Variants in FAM107B observed in about 807,000 individuals in gnomAD.
FAM107B encodes the protein family with sequence similarity 107 member B.
In FAM107B, 21 loss-of-function variants were observed where a neutral mutation model predicts 31.5. The ratio of observed to expected loss-of-function variants is 0.67; its 90% CI spans 0.47 to 0.96. The LOEUF (loss-of-function observed/expected upper bound fraction) is 0.96, where lower values mean the gene tolerates loss of function less well. Ranked by LOEUF, FAM107B falls within the 40% of genes least tolerant of loss-of-function variation. The pLI is 0.00. For missense variants in FAM107B, 452 were observed against 377.1 expected, an observed-to-expected ratio of 1.20 and a Z score of -1.64; for synonymous variants, 157 against 141.5, an observed-to-expected ratio of 1.11 and a Z score of -0.78.
rs1022835258 is a variant in FAM107B, at chr10:14,758,629, C to T, written c.411+15624G>A. On this transcript the variant is annotated intron_variant, in intron 1 of 4. Transcript: ENST00000181796. ...TGGGAGTAGAGCATGGCACAGGTGG[C>T]CCTAGATGCCCAGCCGGGCTCCCCG... Among the ~76,000 whole-genome samples the T allele has an allele frequency of 1.5e-4, 23 of 152,222 alleles. 1 individual carries two copies. The East Asian group carries it at 4.0e-3, about 27-fold the overall frequency.
intron 2 of FAM107B, among the ~76,000 whole-genome samples, chr10:14,616,664 T>C: frequency 6.6e-6 from 1 of 152,216 alleles, no homozygotes; most frequent in East Asian, 1.9e-4. Flanking sequence ...GGCTTATGCC[T>C]GTAATCCCAG....
At chr10:14,700,274 AGG>A (rs1384307979) in intron 1 of FAM107B, among the ~76,000 whole-genome samples, 1 of 152,152 alleles carries the variant, frequency 6.6e-6, no homozygotes, top group African/African-American at 2.4e-5. Flanking sequence ...ACTGTGATGC[AGG>A]GAGAGTGGCG....
chr10:14,767,516 G>C (rs530963606), intron 1 of FAM107B, among the ~76,000 whole-genome samples: 1 of 151,910 alleles, frequency 6.6e-6, no homozygotes, highest in Non-Finnish European at 1.5e-5. Flanking sequence ...GGTCAACATA[G>C]AAAAATCGAT....
At chr10:14,655,408 C>G (rs540314032) in intron 2 of FAM107B, among the ~76,000 whole-genome samples, 2 of 152,136 alleles carry the variant, frequency 1.3e-5, no homozygotes, top group Non-Finnish European at 2.9e-5. Flanking sequence ...TCTATCTCAG[C>G]CTCACAAATA....
At chr10:14,613,096 C>T (rs1009521194) in intron 2 of FAM107B, among the ~76,000 whole-genome samples, 4 of 152,104 alleles carry the variant, frequency 2.6e-5, no homozygotes, top group African/African-American at 4.8e-5. Flanking sequence ...CTCAGCCCCG[C>T]GAGCAGCTAG....
At chr10:14,653,872 A>T (rs1853968199) in intron 2 of FAM107B, 1 of 152,212 alleles carries the variant, frequency 6.6e-6, no homozygotes, top group Admixed American at 6.5e-5. Context: ...CTCAGACCAC[A>T]GCCAAGGAAG....
chr10:14,738,585 G>A (rs1051659269), intron 1 of FAM107B, among the ~76,000 whole-genome samples: 2 of 152,272 alleles, frequency 1.3e-5, no homozygotes, highest in Non-Finnish European at 2.9e-5. Flanking sequence ...ATCCTGAAGC[G>A]TGTCACACGC....
intron 1 of FAM107B, among the ~76,000 whole-genome samples, chr10:14,680,888 G>A (rs1854818062): frequency 6.6e-6 from 1 of 152,052 alleles, no homozygotes; most frequent in Non-Finnish European, 1.5e-5. Context: ...ATCCACAGTG[G>A]TTGATCTCAG....
intron 2 of FAM107B, among the ~76,000 whole-genome samples, chr10:14,533,215 G>A (rs1479283174): frequency 2.0e-5 from 3 of 152,194 alleles, no homozygotes; most frequent in South Asian, 4.1e-4. Context: ...TCATCCAGGT[G>A]AGAGATGCTT....
At chr10:14,581,191 G>A (rs1851624138) in intron 2 of FAM107B, among the ~76,000 whole-genome samples, 1 of 152,216 alleles carries the variant, frequency 6.6e-6, no homozygotes, top group South Asian at 2.1e-4. Context: ...CTGAGTAAGA[G>A]AGCGTTGCGC....
In FAM107B at chr10:14,774,768, A is replaced by C. The variant is rs1833384688; in HGVS notation, c.-105T>G. ...AGGAACTCTTTCCAATTGCCCGAAG[A>C]GAAGAACTTGCTAGTGGTTGCCCCT... On this transcript the variant is annotated 5_prime_UTR_variant, in exon 1 of 5. Transcript: ENST00000181796. 4 of 1,285,166 alleles carry C rather than the reference A, an allele frequency of 3.1e-6. No individual in the cohort carries two copies. Among genetic ancestry groups the C allele is most frequent in the Non-Finnish European group, 4.3e-6 (4 of 935,620 alleles). 79.6% of individuals were successfully genotyped at this position (1,285,166 alleles called of 1,614,324 possible).
chr10:14,660,748 G>C (rs945558597), intron 2 of FAM107B, among the ~76,000 whole-genome samples: 15 of 152,228 alleles, frequency 9.9e-5, no homozygotes, highest in African/African-American at 3.6e-4. Flanking sequence ...TAAGAAGAGA[G>C]TAAATGAAGC....
intron 1 of FAM107B, among the ~76,000 whole-genome samples, chr10:14,671,568 A>C (rs1432219267): frequency 6.6e-6 from 1 of 152,094 alleles, no homozygotes; most frequent in African/African-American, 2.4e-5. Flanking sequence ...TCGCTGTCTG[A>C]ATGTGACACA....
chr10:14,658,974 G>A (rs1248423791), intron 2 of FAM107B, among the ~76,000 whole-genome samples: 3 of 152,178 alleles, frequency 2.0e-5, no homozygotes, highest in Non-Finnish European at 4.4e-5. Flanking sequence ...AGGAAAGGTT[G>A]CAGTTTTGCA....
intron 2 of FAM107B, chr10:14,604,118 C>T (rs2131379903): frequency 4.1e-6 from 2 of 486,116 alleles, no homozygotes; most frequent in Non-Finnish European, 5.3e-6. Flanking sequence ...ACGGGGACCC[C>T]CCACCCGCCC....
At chr10:14,618,148 G>A (rs1418546570) in intron 2 of FAM107B, among the ~76,000 whole-genome samples, 1 of 152,170 alleles carries the variant, frequency 6.6e-6, no homozygotes, top group Non-Finnish European at 1.5e-5. Context: ...AATGCAACAT[G>A]AAGGGTATTA....
At chr10:14,649,570 A>T (rs748457976) in intron 2 of FAM107B, among the ~76,000 whole-genome samples, 28 of 152,210 alleles carry the variant, frequency 1.8e-4, no homozygotes, top group Non-Finnish European at 3.5e-4. Flanking sequence ...ATCTTTAGAT[A>T]ATCACTTAAC....
chr10:14,742,492 C>A (rs1832637059), intron 1 of FAM107B, among the ~76,000 whole-genome samples: 1 of 152,166 alleles, frequency 6.6e-6, no homozygotes, highest in African/African-American at 2.4e-5. Context: ...TTACTGAGAT[C>A]AGCAATCACT....
chr10:14,728,352 CT>C (rs1247873879), intron 1 of FAM107B, among the ~76,000 whole-genome samples: 61 of 137,810 alleles, frequency 4.4e-4, no homozygotes, highest in Admixed American at 6.5e-4. Context: ...TGTGTGTGTG[CT>C]TTTTTTTTTA....
Sources: allele counts gnomAD v4.1 joint callset (sites outside exome capture counted in the v4.1 genomes callset), GRCh38; gene constraint gnomAD v4.1.1; transcripts MANE v1.5; gene names NCBI Gene and HGNC (gene_info 2026-07-23, HGNC 2026-07-21).